FBN3: variants seen among roughly 807,000 people sequenced by gnomAD.
FBN3 encodes the protein fibrillin-3.
Under a neutral mutation model 330.1 loss-of-function variants are expected in FBN3, and 234 were observed. The ratio of observed to expected loss-of-function variants is 0.71; its 90% confidence interval spans 0.64 to 0.79. FBN3 has a LOEUF of 0.79. FBN3 is among the 30% of genes least tolerant of loss of function. The pLI, the probability that FBN3 is intolerant of heterozygous loss-of-function variation, is 0.00. For synonymous variants in FBN3, 1,458 were observed against 1,517.3 expected, an observed-to-expected ratio of 0.96 and a Z score of 0.91; for missense variants, 3,606 against 3,886.9, an observed-to-expected ratio of 0.93 and a Z score of 1.92.
intron 28 of FBN3, 61 bp from the exon 29 acceptor site, chr19:8,116,860 T>A (rs1394682805): frequency 1.9e-6 from 3 of 1,571,230 alleles, no homozygotes; most frequent in Non-Finnish European, 2.6e-6. Flanking sequence ...CCAGTACACA[T>A]CTGCTCCCCA....
chr19:8,133,158 C>G, intron 13 of FBN3, 52 bp from the exon 14 acceptor site: 1 of 1,513,658 alleles, frequency 6.6e-7, no homozygotes, highest in Non-Finnish European at 8.9e-7. Flanking sequence ...CTGGGACCCT[C>G]TCTCTCCCTC....
At chr19:8,145,042 T>C (rs899208) in intron 5 of FBN3, 70 bp from the exon 6 acceptor site, 661,943 of 1,326,260 alleles carry the variant, frequency 0.5, 170,511 homozygotes, top group African/African-American at 0.76. Flanking sequence ...ACAGCAAGCC[T>C]GTCTTCACCC....
At position 8,132,988 on chromosome 19, in the gene FBN3, G is replaced by A. The variant is rs1360196605; in HGVS notation, c.1710C>T (p.Cys570=). The change falls in exon 14 of 64, where the codon TGC becomes TGT. Residue 570 remains cysteine, a synonymous_variant. Transcript: ENST00000600128. ...GFLLAPGGHY[C]MDIDECQTPG... Reference sequence around the variant, plus strand: ...CCAGTCTGGCTCCAGGCTCACCCATGCAGTAGTGGCCGCCAGGCGCCAGCA... The same window carrying A: ...CCAGTCTGGCTCCAGGCTCACCCATACAGTAGTGGCCGCCAGGCGCCAGCA... The A allele has an allele frequency of 1.3e-6, 2 of 1,557,512 alleles. No homozygotes were observed. Among genetic ancestry groups the A allele is most frequent in the Admixed American group, 3.8e-5 (2 of 52,138 alleles).
chr19:8,081,214 T>A, intron 58 of FBN3, 95 bp from the exon 59 acceptor site: 1 of 1,487,910 alleles, frequency 6.7e-7, no homozygotes, highest in Non-Finnish European at 9.3e-7. Context: ...GGCAGAGGGG[T>A]GACAAGAGAA....
intron 56 of FBN3, 33 bp downstream of exon 56, chr19:8,085,330 C>T (rs932403788): frequency 1.3e-6 from 2 of 1,539,850 alleles, no homozygotes; most frequent in Non-Finnish European, 8.7e-7. Context: ...CGTTTCTTGC[C>T]TCCCTGGGGG....
chr19:8,131,711 G>A lies in FBN3; in HGVS notation c.1833C>T (p.Cys611=), dbSNP rs34408601. 1,038 of 1,613,912 alleles carry A rather than the reference G, an allele frequency of 6.4e-4. 7 individuals are homozygous for A. In the African/African-American group the frequency reaches 0.013, roughly 20 times the overall value. The change falls in exon 15 of 64, where the codon TGC becomes TGT. Residue 611 remains cysteine (C), a synonymous_variant. Transcript: ENST00000600128. The surrounding 1 kb of genome is among the most constrained non-coding windows in gnomAD (Gnocchi z 4.5). ...GLAVGTDGRV[C]VDTHVRSTCY... ...AGGTGCTGCGCACGTGGGTGTCCACGCACACGCGGCCATCCGTGCCTACCG... is the reference window on the plus strand; with the variant it reads ...AGGTGCTGCGCACGTGGGTGTCCACACACACGCGGCCATCCGTGCCTACCG...
intron 29 of FBN3, among the ~76,000 whole-genome samples, chr19:8,115,851 G>T (rs2082694483): frequency 6.6e-6 from 1 of 151,830 alleles, no homozygotes; most frequent in African/African-American, 2.4e-5. Flanking sequence ...GCGTTTCACA[G>T]TGTACATTCC....
intron 22 of FBN3, among the ~76,000 whole-genome samples, chr19:8,124,447 C>T (rs963471677): frequency 6.6e-6 from 1 of 151,370 alleles, no homozygotes; most frequent in Admixed American, 6.6e-5. Context: ...GGTTTCACCA[C>T]GTTGGCCAGG....
At chr19:8,095,875 G>A (rs2082197585) in intron 45 of FBN3, 89 bp downstream of exon 45, 2 of 772,288 alleles carry the variant, frequency 2.6e-6, no homozygotes. Flanking sequence ...GGGACTTTCT[G>A]GGCATCTTTC....
In FBN3 at chr19:8,109,851, A is replaced by G; in HGVS notation, c.4334-98T>C. 3 of 1,313,558 alleles carry G rather than the reference A, an allele frequency of 2.3e-6. No individual in the cohort carries two copies. Among genetic ancestry groups the G allele is most frequent in the Non-Finnish European group, 3.0e-6 (3 of 994,162 alleles). 81.4% of individuals were successfully genotyped at this position (1,313,558 alleles called of 1,614,324 possible). A position where few individuals can be genotyped will look rare whatever the true frequency, so the allele number is the denominator to read the frequency against. On this transcript the variant is annotated intron_variant, in intron 34 of 63. Coordinates refer to ENST00000600128, the MANE Select transcript of FBN3 (RefSeq NM_032447.5). The surrounding 1 kb of genome is among the most constrained non-coding windows in gnomAD (Gnocchi z 5.2). ...GAAGCTACAGCCCTCGCTCAAGGTC[A>G]ACTCCTGGGCACCAGATTGTGGGAC...
At chr19:8,132,874 T>A in intron 14 of FBN3, 110 bp downstream of exon 14, 1 of 1,223,472 alleles carries the variant, frequency 8.2e-7, no homozygotes, top group Non-Finnish European at 1.1e-6. Context: ...TCTCTTCTCC[T>A]TCTCTCATGC....
chr19:8,097,572 C>T (rs1295417861), intron 41 of FBN3, among the ~76,000 whole-genome samples, 158 bp from the exon 42 acceptor site: 1 of 152,228 alleles, frequency 6.6e-6, no homozygotes, highest in Admixed American at 6.5e-5. Flanking sequence ...AATACATCCG[C>T]TCACACCAGA....
intron 22 of FBN3, among the ~76,000 whole-genome samples, chr19:8,124,512 A>G (rs1568430107): frequency 6.8e-6 from 1 of 146,202 alleles, no homozygotes; most frequent in Non-Finnish European, 1.5e-5. Flanking sequence ...TGCTGGGATT[A>G]CAGGTGTGAG....
chr19:8,124,160 T>C lies in FBN3; in HGVS notation c.2732-152A>G, dbSNP rs2082923587. 4.5e-6 allele frequency: 3 copies of C among 667,604 alleles called. No homozygotes were observed. The South Asian group carries it at 5.3e-5, about 12-fold the overall frequency. The allele number at this position is 667,604 out of a possible 1,614,324, so 41.4% of individuals were successfully genotyped here. ...GAAAGGGGTGACTTCCTCCAGGCAC[T>C]GTCTGGGAGGGTACTATGTGTACTG... On this transcript the variant is annotated intron_variant, in intron 22 of 63. Coordinates refer to ENST00000600128, the MANE Select transcript of FBN3 (RefSeq NM_032447.5).
chr19:8,091,642 G>A (rs1283564052), intron 47 of FBN3, 52 bp from the exon 48 acceptor site: 1 of 1,597,918 alleles, frequency 6.3e-7, no homozygotes, highest in East Asian at 2.2e-5. Context: ...ACCTCCATCA[G>A]TGGGGAGAGG....
At chr19:8,119,048 G>T (rs1319207562) in intron 25 of FBN3, 26 bp from the exon 26 acceptor site, 28 of 1,582,578 alleles carry the variant, frequency 1.8e-5, no homozygotes, top group Non-Finnish European at 2.4e-5. Flanking sequence ...GAAAGAGAGA[G>T]CAGGCATGAA....
intron 63 of FBN3, among the ~76,000 whole-genome samples, chr19:8,069,000 C>T (rs1005131972): frequency 5.3e-5 from 8 of 152,116 alleles, no homozygotes; most frequent in East Asian, 3.8e-4. Flanking sequence ...GATGACATTG[C>T]GACCCAGAGC....
At chr19:8,135,935 T>TGGGGGGGGGGGGGGGGGGGGG in intron 13 of FBN3, 26 bp downstream of exon 13, 20 of 1,344,154 alleles carry the variant, frequency 1.5e-5, no homozygotes, top group Non-Finnish European at 2.0e-5. Context: ...CGGAAGCCCC[T>TGGGGGGGGGGGGGGGGGGGGG]GCCCACCCGC....
At chr19:8,110,738 G>A (rs1364388605) in intron 34 of FBN3, 107 bp downstream of exon 34, 1 of 1,460,770 alleles carries the variant, frequency 6.8e-7, no homozygotes, top group African/African-American at 1.4e-5. Flanking sequence ...CAAGACTGCA[G>A]GGGAGGATGC....
Sources: gnomAD v4.1 joint callset for allele counts (sites outside exome capture counted in the v4.1 genomes callset) on GRCh38, gnomAD v4.1.1 for gene constraint, Gnocchi (gnomAD v3.1) non-coding constraint, MANE v1.5 for transcripts, NCBI Gene and HGNC (gene_info 2026-07-23, HGNC 2026-07-21) for gene names.